SCARB1: variants seen among roughly 807,000 people sequenced by gnomAD.
The protein encoded by SCARB1 is CD36 and LIMPII analogous 1.
SCARB1 carries 30 observed loss-of-function variants against 57.2 expected under a neutral mutation model. The ratio of observed to expected loss-of-function variants is 0.52; its 90% CI spans 0.39 to 0.71. SCARB1 has a LOEUF of 0.71. Among genes scored for constraint, SCARB1 ranks in the 30% least tolerant of loss-of-function variants. The pLI is 0.00. For synonymous variants in SCARB1, 249 were observed against 268.3 expected (o/e 0.93, Z 0.70); for missense variants, 543 against 671.2 (o/e 0.81, Z 2.11).
At chr12:124,816,195 G>A (rs117883139) in intron 2 of SCARB1, among the ~76,000 whole-genome samples, 3,791 of 150,976 alleles carry the variant, frequency 0.025, 101 homozygotes, top group Non-Finnish European at 0.034. Flanking sequence ...GCTTCACACT[G>A]TTTTGTCTGC....
intron 12 of SCARB1, among the ~76,000 whole-genome samples, chr12:124,779,398 G>A (rs186015687): frequency 3.5e-4 from 53 of 152,278 alleles, no homozygotes; most frequent in Non-Finnish European, 2.6e-4. Context: ...TCATGGCTGC[G>A]CACATGCAGA....
chr12:124,793,836 A>G (rs1244346734), intron 9 of SCARB1, among the ~76,000 whole-genome samples: 1 of 152,228 alleles, frequency 6.6e-6, no homozygotes, highest in Non-Finnish European at 1.5e-5. Context: ...ACGAGAACAG[A>G]TGTCCACACT....
chr12:124,807,706 A>G lies in SCARB1; in HGVS notation c.1009+55T>C. The G allele has an allele frequency of 1.3e-6, 2 of 1,573,398 alleles. No individual in the cohort carries two copies. Among genetic ancestry groups the G allele is most frequent in the South Asian group, 1.1e-5 (1 of 89,622 alleles). ...GACAGCACTGGGCAGATAAACCCTC[A>G]GCTGGCCCCACCCTCACACCCTCCC... is the stretch of plus-strand genomic sequence containing the variant. On this transcript the variant is annotated intron_variant, in intron 7 of 12. Coordinates refer to ENST00000261693, the MANE Select transcript of SCARB1 (RefSeq NM_005505.5). This position sits in a 1 kb window ranked among gnomAD's most constrained non-coding sequence, Gnocchi z 5.3.
At chr12:124,779,142 C>A (rs1393507080) in intron 12 of SCARB1, among the ~76,000 whole-genome samples, 2 of 151,926 alleles carry the variant, frequency 1.3e-5, no homozygotes, top group Non-Finnish European at 1.5e-5. Context: ...TTGTAGAGAT[C>A]AGGTCTATGT....
intron 1 of SCARB1, among the ~76,000 whole-genome samples, chr12:124,841,264 C>T (rs558223450): frequency 5.2e-4 from 78 of 151,222 alleles, no homozygotes; most frequent in African/African-American, 1.8e-3. Context: ...CCCAGCTACG[C>T]GGGAGGCTGA....
At chr12:124,811,523 C>T (rs1340670382) in intron 5 of SCARB1, among the ~76,000 whole-genome samples, 2 of 152,228 alleles carry the variant, frequency 1.3e-5, no homozygotes, top group African/African-American at 4.8e-5. Flanking sequence ...TCCCCCCCAC[C>T]TCGGCCTCCC....
At chr12:124,835,359 A>G (rs1951600547) in intron 1 of SCARB1, among the ~76,000 whole-genome samples, 1 of 151,958 alleles carries the variant, frequency 6.6e-6, no homozygotes, top group African/African-American at 2.4e-5. Flanking sequence ...CCTGGGCTCA[A>G]ACCATCTTCC....
intron 1 of SCARB1, among the ~76,000 whole-genome samples, chr12:124,820,729 C>G (rs961203207): frequency 6.6e-6 from 1 of 152,152 alleles, no homozygotes; most frequent in African/African-American, 2.4e-5. Flanking sequence ...AAACCCAGAA[C>G]CCTGGAAAAT....
At chr12:124,856,739 T>A (rs1433920773) in intron 1 of SCARB1, among the ~76,000 whole-genome samples, 1 of 151,674 alleles carries the variant, frequency 6.6e-6, no homozygotes, top group African/African-American at 2.4e-5. Context: ...ACACTGGGCC[T>A]CCCCCCCAGG....
intron 1 of SCARB1, among the ~76,000 whole-genome samples, chr12:124,849,196 AAAGCCCT>A: frequency 6.6e-6 from 1 of 152,330 alleles, no homozygotes; most frequent in Non-Finnish European, 1.5e-5. Flanking sequence ...GCTGGAAGCT[AAAGCCCT>A]GCCAAAGGCT....
chr12:124,786,586 G>A, intron 10 of SCARB1, 83 bp from the exon 11 acceptor site: 1 of 1,571,834 alleles, frequency 6.4e-7, no homozygotes, highest in East Asian at 2.3e-5. Flanking sequence ...ACCTTCCTCT[G>A]TGCCCGCCTC....
chr12:124,780,339 A>G (rs1873200985), intron 12 of SCARB1, among the ~76,000 whole-genome samples: 1 of 152,204 alleles, frequency 6.6e-6, no homozygotes, highest in African/African-American at 2.4e-5. Context: ...ATCTGCCCAG[A>G]GGGGCTGTCT....
Position 124,786,414 on chromosome 12 carries a change from G to A in SCARB1, c.1344C>T (p.Leu448=), listed in dbSNP as rs1424294042. 1.9e-6 allele frequency: 3 copies of A among 1,614,204 alleles called. No individual in the cohort carries two copies. Among genetic ancestry groups the A allele is most frequent in the South Asian group, 2.2e-5 (2 of 91,086 alleles). The stretch of plus-strand genomic sequence containing the variant: ...GCAGCAGGACGCAGCCCAGCGCCAG[G>A]AGGACGTACTGGGCATAGTGCATCA... ...PKVMHYAQYV[L]LALGCVLLLV... is the part of the protein sequence containing the mutation. Residue 448 remains leucine (L), a synonymous_variant, in exon 11 of 13, where the codon CTC becomes CTT. Coordinates refer to ENST00000261693, the MANE Select transcript of SCARB1 (RefSeq NM_005505.5).
intron 1 of SCARB1, among the ~76,000 whole-genome samples, chr12:124,846,729 CAAAAAAAAAAAAAAAA>C (rs5801572): frequency 4.3e-5 from 2 of 46,032 alleles, no homozygotes; most frequent in African/African-American, 9.4e-5. Context: ...GACTCCATCT[CAAAAAAAAAAAAAAAA>C]AAAAAAAAAA....
chr12:124,784,459 C>A (rs888293038), intron 11 of SCARB1: 2 of 152,206 alleles, frequency 1.3e-5, no homozygotes, highest in Non-Finnish European at 2.9e-5. Context: ...GAAACCTTTT[C>A]CCCCCGAGGA....
chr12:124,780,022 G>A (rs534915857), intron 12 of SCARB1, among the ~76,000 whole-genome samples: 3 of 152,322 alleles, frequency 2.0e-5, no homozygotes, highest in East Asian at 1.9e-4. Flanking sequence ...ACCACCCCTA[G>A]GCTGTAAAAG....
chr12:124,831,495 G>C (rs1050607130), intron 1 of SCARB1, among the ~76,000 whole-genome samples: 1 of 152,112 alleles, frequency 6.6e-6, no homozygotes, highest in Admixed American at 6.5e-5. Context: ...GCTAATAAGA[G>C]AGCACCTACA....
chr12:124,821,100 T>C (rs548142111), intron 1 of SCARB1, among the ~76,000 whole-genome samples: 8 of 152,116 alleles, frequency 5.3e-5, no homozygotes, highest in Admixed American at 4.6e-4. Flanking sequence ...CAGCCATCCG[T>C]GGTGGCAGGT....
At chr12:124,805,738 TTTTTTTTTTTTG>T (rs1190570013) in intron 7 of SCARB1, among the ~76,000 whole-genome samples, 4 of 131,082 alleles carry the variant, frequency 3.1e-5, no homozygotes, top group South Asian at 2.4e-4. Context: ...TTTTTTTTTT[TTTTTTTTTTTTG>T]GCCAGAGAGA....
Sources: allele counts gnomAD v4.1 joint callset (sites outside exome capture counted in the v4.1 genomes callset), GRCh38; gene constraint gnomAD v4.1.1; non-coding constraint Gnocchi (gnomAD v3.1); transcripts MANE v1.5; gene names NCBI Gene and HGNC (gene_info 2026-07-23, HGNC 2026-07-21).